YIPF7: variants seen among roughly 807,000 people sequenced by gnomAD.
YIPF7 encodes the protein protein YIPF7.
In YIPF7, 35 loss-of-function variants were observed where a neutral mutation model predicts 27.2. That is an observed-to-expected ratio of 1.29 (90% CI 0.98 to 1.70). YIPF7 has a LOEUF of 1.70. Among genes scored for constraint, YIPF7 ranks in the 40% most tolerant of loss-of-function variants. The pLI is 0.00. For synonymous variants in YIPF7, 137 were observed against 110.4 expected, an observed-to-expected ratio of 1.24 and a Z score of -1.51; for missense variants, 358 against 303.7, an observed-to-expected ratio of 1.18 and a Z score of -1.33.
At chr4:44,623,978 G>A (rs761485125) in intron 5 of YIPF7, among the ~76,000 whole-genome samples, 1 of 151,418 alleles carries the variant, frequency 6.6e-6, no homozygotes, top group African/African-American at 2.4e-5. Flanking sequence ...TGAAGTTCCT[G>A]TAGTTCTTAT....
At chr4:44,638,583 A>G (rs1480209406) in intron 2 of YIPF7, among the ~76,000 whole-genome samples, 1 of 152,052 alleles carries the variant, frequency 6.6e-6, no homozygotes. Flanking sequence ...AGTTCCTTGT[A>G]TATCTGGTTT....
At chr4:44,632,530 T>G (rs984804695) in intron 3 of YIPF7, among the ~76,000 whole-genome samples, 3 of 152,222 alleles carry the variant, frequency 2.0e-5, no homozygotes, top group African/African-American at 7.2e-5. Context: ...AATTTATCAT[T>G]CTTACATAAA....
chr4:44,651,319 G>C (rs1713731862), intron 1 of YIPF7, among the ~76,000 whole-genome samples: 1 of 152,086 alleles, frequency 6.6e-6, no homozygotes, highest in Non-Finnish European at 1.5e-5. Flanking sequence ...TCAGGACTTA[G>C]TGATAAATCT....
Position 44,629,523 on chromosome 4 carries a change from T to C in YIPF7, c.306A>G (p.Ile102Met), listed in dbSNP as rs533892739. 1.9e-6 allele frequency: 3 copies of C among 1,556,026 alleles called. No individual in the cohort carries two copies. Among genetic ancestry groups the C allele is most frequent in the African/African-American group, 2.7e-5 (2 of 73,342 alleles). The change falls in exon 4 of 6, where the codon ATA becomes ATG. Residue 102 changes from isoleucine to methionine, a missense_variant. By Grantham distance (10) the Ile-to-Met change is conservative. Transcript: ENST00000415895. Reference protein sequence around the residue: ...LEELGIHFDHIWQKTLTVLNP... With the variant: ...LEELGIHFDHMWQKTLTVLNP... ...TTAACACTGTCAAAGTTTTTTGCCA[T>C]ATGTGATCAAAATGGATTCCAAGTT... is the stretch of plus-strand genomic sequence containing the variant.
chr4:44,661,473 A>G (rs1222578403), intron 1 of YIPF7, among the ~76,000 whole-genome samples: 1 of 152,256 alleles, frequency 6.6e-6, no homozygotes, highest in Non-Finnish European at 1.5e-5. Context: ...ATAGGGAGGC[A>G]GCAAATTGAC....
chr4:44,653,913 C>A (rs1427936800), upstream of YIPF7, among the ~76,000 whole-genome samples: 8 of 151,902 alleles, frequency 5.3e-5, no homozygotes, highest in Admixed American at 2.6e-4. Context: ...TATCTTAGTC[C>A]ATTTAGGTAC....
chr4:44,624,579 T>C (rs1227178064), intron 5 of YIPF7, 22 bp downstream of exon 5: 7 of 1,552,436 alleles, frequency 4.5e-6, no homozygotes, highest in Admixed American at 3.9e-5. Context: ...TGTGGGGTCA[T>C]TGAGAGCACA....
chr4:44,638,922 C>G (rs1374644610), intron 2 of YIPF7, among the ~76,000 whole-genome samples: 1 of 152,136 alleles, frequency 6.6e-6, no homozygotes, highest in Non-Finnish European at 1.5e-5. Flanking sequence ...ATCCAATTGT[C>G]CCAGCACCAT....
chr4:44,640,418 A>G (rs113926519), intron 2 of YIPF7, among the ~76,000 whole-genome samples: 2,182 of 152,260 alleles, frequency 0.014, 46 homozygotes, highest in African/African-American at 0.049. Context: ...GCAAGCTTAC[A>G]CTCAGGACTC....
chr4:44,638,113 G>T (rs1196567386), intron 2 of YIPF7, among the ~76,000 whole-genome samples: 1 of 151,738 alleles, frequency 6.6e-6, no homozygotes, highest in South Asian at 2.1e-4. Context: ...CAATAATCAG[G>T]GAAATGCAAA....
chr4:44,637,241 C>T (rs1343165823), intron 2 of YIPF7, among the ~76,000 whole-genome samples: 1 of 152,060 alleles, frequency 6.6e-6, no homozygotes, highest in Non-Finnish European at 1.5e-5. Context: ...ATATTGACTT[C>T]TTTTCCTTTG....
At chr4:44,650,959 T>C (rs568323051) in intron 1 of YIPF7, among the ~76,000 whole-genome samples, 1 of 152,328 alleles carries the variant, frequency 6.6e-6, no homozygotes, top group South Asian at 2.1e-4. Flanking sequence ...ACTGGACAAA[T>C]GTGGTTATTC....
At chr4:44,653,906 C>T (rs1713811550), upstream of YIPF7, among the ~76,000 whole-genome samples, 1 of 151,968 alleles carries the variant, frequency 6.6e-6, no homozygotes, top group East Asian at 1.9e-4. Context: ...TACTTTTTAT[C>T]TTAGTCCATT....
At chr4:44,632,314 A>G (rs895755121) in intron 3 of YIPF7, among the ~76,000 whole-genome samples, 1 of 152,240 alleles carries the variant, frequency 6.6e-6, no homozygotes, top group African/African-American at 2.4e-5. Flanking sequence ...GTAGTAAAGT[A>G]TATGATACAT....
upstream of YIPF7, among the ~76,000 whole-genome samples, chr4:44,653,461 C>A (rs1713796063): frequency 6.6e-6 from 1 of 151,866 alleles, no homozygotes; most frequent in Non-Finnish European, 1.5e-5. Context: ...AAAGTCATGG[C>A]AACTGAGGAA....
chr4:44,624,490 T>G, intron 5 of YIPF7, 111 bp downstream of exon 5: 1 of 1,251,764 alleles, frequency 8.0e-7, no homozygotes, highest in Non-Finnish European at 1.1e-6. Context: ...AGCCATGGTT[T>G]TCCCAGTTCC....
chr4:44,626,761 A>ATTTTTT (rs1560322885), intron 4 of YIPF7, among the ~76,000 whole-genome samples: 6 of 56,696 alleles, frequency 1.1e-4, no homozygotes, highest in East Asian at 5.0e-4. Context: ...TCATTAGCAC[A>ATTTTTT]TCTTTTTTTT....
intron 2 of YIPF7, among the ~76,000 whole-genome samples, chr4:44,644,140 A>C (rs1713440093): frequency 6.6e-6 from 1 of 152,184 alleles, no homozygotes; most frequent in African/African-American, 2.4e-5. Flanking sequence ...GCAAAGCCAC[A>C]GGGTTGATGC....
chr4:44,628,679 G>A lies in YIPF7; in HGVS notation c.426+724C>T, dbSNP rs538944595. Among the ~76,000 whole-genome samples the A allele has an allele frequency of 8.6e-5, 13 of 151,712 alleles. No homozygotes were observed. In the South Asian group the frequency reaches 1.2e-3, roughly 15 times the overall value. ...TTTTCTTCTGCCTTTTTTTCTTAAT[G>A]AAACATTTTCCTAAACTATGAGCTA... On this transcript the variant is annotated intron_variant, in intron 4 of 5. Transcript: ENST00000415895.
Sources: allele counts gnomAD v4.1 joint callset (sites outside exome capture counted in the v4.1 genomes callset), GRCh38; gene constraint gnomAD v4.1.1; transcripts MANE v1.5; gene names NCBI Gene and HGNC (gene_info 2026-07-23, HGNC 2026-07-21).